Variants in PTGDR2 observed in about 807,000 individuals in gnomAD.
PTGDR2 encodes prostaglandin D2 receptor 2, also known as G-protein coupled receptor 44.
For missense variants in PTGDR2, 544 were observed against 576.6 expected (o/e 0.94, Z 0.58); for synonymous variants, 276 against 278.4 (o/e 0.99, Z 0.09).
chr11:60,852,489 C>T lies in PTGDR2; in HGVS notation c.*46G>A. 8.1e-7 allele frequency: 1 copy of T among 1,242,226 alleles called. No homozygotes were observed. The highest frequency in any genetic ancestry group is 1.0e-6 in the Non-Finnish European group (1 of 992,656). The allele number at this position is 1,242,226 out of a possible 1,614,324, so 77.0% of individuals were successfully genotyped here. A position where few individuals can be genotyped will look rare whatever the true frequency, so the allele number is the denominator to read the frequency against. On this transcript the variant is annotated 3_prime_UTR_variant, in exon 2 of 2. Transcript: ENST00000332539. ...GGATATCGAATTGAACCGCGGCACC[C>T]TGGTGATACTTTCGCGTGTGAGTGC... is the stretch of plus-strand genomic sequence containing the variant.
chr11:60,853,169 T>C lies in PTGDR2; in HGVS notation c.554A>G (p.Asn185Ser). The part of the protein sequence containing the change: ...RLDGRIMCYY[N>S]VLLLNPGPDR... ...AGGCCCCGGGTTCAGGAGCAGCACA[T>C]TGTAGTAGCACATAATGCGCCCGTC... Residue 185 changes from asparagine (N) to serine (S), a missense_variant, in exon 2 of 2, where the codon AAT becomes AGT. Coordinates refer to ENST00000332539, the MANE Select transcript of PTGDR2 (RefSeq NM_004778.3). The C allele has an allele frequency of 6.2e-7, 1 of 1,609,758 alleles. No individual in the cohort carries two copies. Among genetic ancestry groups the C allele is most frequent in the Non-Finnish European group, 8.5e-7 (1 of 1,179,838 alleles).
chr11:60,853,151 G>T lies in PTGDR2; in HGVS notation c.572C>A (p.Pro191Gln). The T allele has an allele frequency of 6.2e-7, 1 of 1,608,448 alleles. No individual in the cohort carries two copies. The change falls in exon 2 of 2, where the codon CCG (proline) becomes CAG (glutamine). Residue 191 changes from proline to glutamine, a missense_variant. Pro to Gln is a moderately conservative substitution (Grantham distance 76, BLOSUM62 -1). Coordinates refer to ENST00000332539, the MANE Select transcript of PTGDR2 (RefSeq NM_004778.3). Reference protein sequence around the residue: ...MCYYNVLLLNPGPDRDATCNS... With the variant: ...MCYYNVLLLNQGPDRDATCNS... ...GCACGTGGCATCGCGGTCAGGCCCC[G>T]GGTTCAGGAGCAGCACATTGTAGTA...
rs1238946930 is a variant in PTGDR2 at position 60,855,870 on chromosome 11, TG to T, written c.-12del. On this transcript the variant is annotated splice_region_variant and 5_prime_UTR_variant, in exon 1 of 2. Coordinates refer to ENST00000332539, the MANE Select transcript of PTGDR2 (RefSeq NM_004778.3). Reference sequence around the variant, plus strand: ...AACCCCTGGGCCACTCCTCCTTACCTGGGCACAGAGGGAGCACAGGATTCCA... The same window carrying T: ...AACCCCTGGGCCACTCCTCCTTACCTGGCACAGAGGGAGCACAGGATTCCA... The T allele has an allele frequency of 6.6e-6, 1 of 152,370 alleles. No homozygotes were observed. The highest frequency in any genetic ancestry group is 2.4e-5 in the African/African-American group (1 of 41,442). 9.4% of individuals were successfully genotyped at this position (152,370 alleles called of 1,614,324 possible). A position where few individuals can be genotyped will look rare whatever the true frequency, so the allele number is the denominator to read the frequency against.
rs1338537653 is a variant in PTGDR2 at position 60,853,629 on chromosome 11, C to G, written c.94G>C (p.Asp32His). The change falls in exon 2 of 2, where the codon GAC (aspartate) becomes CAC (histidine). Residue 32 changes from aspartate (D) to histidine (H), a missense_variant. By Grantham distance (81) the Asp-to-His change is moderately conservative (BLOSUM62 -1). Coordinates refer to ENST00000332539, the MANE Select transcript of PTGDR2 (RefSeq NM_004778.3). Reference sequence around the variant, plus strand: ...CCGTGCAGCAGCACGGCCGCGTGGTCGATGTAGCGGATGCTGGTGTTGCTG... The same window carrying G: ...CCGTGCAGCAGCACGGCCGCGTGGTGGATGTAGCGGATGCTGGTGTTGCTG... ...SHSNTSIRYI[D>H]HAAVLLHGLA... is the part of the protein sequence containing the mutation. 7.1e-6 allele frequency: 11 copies of G among 1,557,032 alleles called. No individual in the cohort carries two copies. The highest frequency in any genetic ancestry group is 9.6e-6 in the Non-Finnish European group (11 of 1,150,062).
chr11:60,853,085 A>T lies in PTGDR2; in HGVS notation c.638T>A (p.Leu213Gln). ...GATCGCCAGCGGCACCAGGAAGGCC[A>T]GCAGGAACTTGCTGACGGCCAGGGC... ...QVALAVSKFL[L>Q]AFLVPLAIIA... The change falls in exon 2 of 2, where the codon CTG becomes CAG. Residue 213 changes from leucine to glutamine, a missense_variant. Leu to Gln is a moderately radical substitution (Grantham distance 113). Transcript: ENST00000332539. 6.3e-7 allele frequency: 1 copy of T among 1,598,302 alleles called. No homozygotes were observed. The highest frequency in any genetic ancestry group is 2.2e-5 in the East Asian group (1 of 44,496).
chr11:60,853,710 C>T lies in PTGDR2; in HGVS notation c.13G>A (p.Ala5Thr), dbSNP rs1331228556. MSAN[A>T]TLKPLCPILE... ...ATGGGGCAGAGTGGCTTCAGTGTGG[C>T]GTTGGCCGACATCGTGGGGCTCTGC... The change falls in exon 2 of 2, where the codon GCC (alanine) becomes ACC (threonine). Residue 5 changes from alanine to threonine, a missense_variant. Ala to Thr is a moderately conservative substitution (Grantham distance 58, BLOSUM62 0). Coordinates refer to ENST00000332539, the MANE Select transcript of PTGDR2 (RefSeq NM_004778.3). 1.3e-6 allele frequency: 2 copies of T among 1,541,036 alleles called. No individual in the cohort carries two copies. The highest frequency in any genetic ancestry group is 1.2e-5 in the South Asian group (1 of 84,024).
rs1466527682 is a variant in PTGDR2 at position 60,853,468 on chromosome 11, G to C, written c.255C>G (p.Pro85=). The C allele has an allele frequency of 6.4e-7, 1 of 1,566,844 alleles. No individual in the cohort carries two copies. Among genetic ancestry groups the C allele is most frequent in the East Asian group, 2.4e-5 (1 of 42,260 alleles). ...CCACGGCCAAGAAGTAGGTGAAGAA[G>C]GGCAGGGAAGCAGAGGCCAACAGGT... The part of the protein sequence containing the change: ...LSDLLASASL[P]FFTYFLAVGH... The change falls in exon 2 of 2, where the codon CCC becomes CCG. Residue 85 remains proline (P), a synonymous_variant. Transcript: ENST00000332539.
Position 60,853,503 on chromosome 11 carries a change from C to G in PTGDR2, c.220G>C (p.Ala74Pro), listed in dbSNP as rs773499365. Residue 74 changes from alanine to proline, a missense_variant, in exon 2 of 2, where the codon GCG becomes CCG. Physicochemically the swap from Ala to Pro is conservative, Grantham distance 27 (BLOSUM62 -1). Transcript: ENST00000332539. ...GCAGAGGCCAACAGGTCGGACAGCG[C>G]CAGGTGCAGCACCCAGGTGGTGACC... ...TVVTTWVLHL[A>P]LSDLLASASL... The G allele has an allele frequency of 3.2e-6, 5 of 1,560,416 alleles. No homozygotes were observed. Among genetic ancestry groups the G allele is most frequent in the Non-Finnish European group, 4.3e-6 (5 of 1,151,772 alleles).
chr11:60,854,932 C>T (rs1189282368), intron 1 of PTGDR2, among the ~76,000 whole-genome samples: 4 of 152,100 alleles, frequency 2.6e-5, no homozygotes, highest in Non-Finnish European at 4.4e-5. Flanking sequence ...GGAAGAAAAG[C>T]GGGAGAGGGG....
At position 60,853,654 on chromosome 11, in the gene PTGDR2, G is replaced by A. The variant is rs147157938; in HGVS notation, c.69C>T (p.His23=). ...CGATGTAGCGGATGCTGGTGTTGCTGTGGCTCTGGAGACGGCTCATCTGCT... is the reference window on the plus strand; with the variant it reads ...CGATGTAGCGGATGCTGGTGTTGCTATGGCTCTGGAGACGGCTCATCTGCT... ...ILEQMSRLQS[H]SNTSIRYIDH... The change falls in exon 2 of 2, where the codon CAC becomes CAT. Residue 23 remains histidine, a synonymous_variant. Transcript: ENST00000332539. The A allele has an allele frequency of 2.1e-4, 321 of 1,559,122 alleles. 2 individuals carry two copies. Among genetic ancestry groups the A allele is most frequent in the Middle Eastern group, 1.7e-3 (10 of 6,006 alleles).
Position 60,853,524 on chromosome 11 carries a change from T to A in PTGDR2, c.199A>T (p.Thr67Ser). The change falls in exon 2 of 2, where the codon ACC becomes TCC. Residue 67 changes from threonine to serine, a missense_variant. Coordinates refer to ENST00000332539, the MANE Select transcript of PTGDR2 (RefSeq NM_004778.3). ...AGCGCCAGGTGCAGCACCCAGGTGG[T>A]GACCACGGTCTGGCGCATGCGGCAG... is the stretch of plus-strand genomic sequence containing the variant. ...VGCRMRQTVV[T>S]TWVLHLALSD... 1 of 1,557,892 alleles carries A rather than the reference T, an allele frequency of 6.4e-7. No individual in the cohort carries two copies. Among genetic ancestry groups the A allele is most frequent in the Non-Finnish European group, 8.7e-7 (1 of 1,150,416 alleles).
chr11:60,854,048 TCA>T (rs1402516302), intron 1 of PTGDR2, among the ~76,000 whole-genome samples: 1 of 152,198 alleles, frequency 6.6e-6, no homozygotes, highest in Admixed American at 6.5e-5. Context: ...AAGCACTTTA[TCA>T]GTGTCATTGT....
chr11:60,852,955 C>G lies in PTGDR2; in HGVS notation c.768G>C (p.Ala256=). 2 of 1,416,360 alleles carry G rather than the reference C, an allele frequency of 1.4e-6. No homozygotes were observed. The highest frequency in any genetic ancestry group is 1.5e-5 in the South Asian group (1 of 65,562). 87.7% of individuals were successfully genotyped at this position (1,416,360 alleles called of 1,614,324 possible). The change falls in exon 2 of 2, where the codon GCG becomes GCC. Residue 256 remains alanine (A), a synonymous_variant. Transcript: ENST00000332539. ...RLVAAVVAAF[A]LCWGPYHVFS... The stretch of plus-strand genomic sequence containing the variant: ...ACACGTGGTAGGGCCCCCAGCAGAG[C>G]GCGAAGGCGGCCACGACGGCCGCCA...
In PTGDR2 at chr11:60,855,863, C is replaced by G. The variant is rs1590581235; in HGVS notation, c.-10+6G>C. The G allele has an allele frequency of 6.6e-6, 1 of 152,378 alleles. No individual in the cohort carries two copies. Among genetic ancestry groups the G allele is most frequent in the African/African-American group, 2.4e-5 (1 of 41,464 alleles). 9.4% of individuals were successfully genotyped at this position (152,378 alleles called of 1,614,324 possible). On this transcript the variant is annotated splice_donor_region_variant and intron_variant, in intron 1 of 1. Transcript: ENST00000332539. ...GCTGCCCAACCCCTGGGCCACTCCT[C>G]CTTACCTGGGCACAGAGGGAGCACA...
Position 60,853,387 on chromosome 11 carries a change from AAAG to A in PTGDR2, c.333_335del (p.Phe112del). ...GGAAGCCGCTGGCGAACATGTTGAG[AAAG>A]AAGATGGAGGAGTGCAGTTTGCAGA... On this transcript the variant is annotated inframe_deletion, in exon 2 of 2. Transcript: ENST00000332539. 1 of 1,593,052 alleles carries A rather than the reference AAAG, an allele frequency of 6.3e-7. No individual in the cohort carries two copies. Among genetic ancestry groups the A allele is most frequent in the Non-Finnish European group, 8.5e-7 (1 of 1,169,890 alleles).
rs923464382 is a variant in PTGDR2, at chr11:60,852,216, C to T, written c.*319G>A. The T allele has an allele frequency of 1.2e-5, 4 of 324,530 alleles. No individual in the cohort carries two copies. The highest frequency in any genetic ancestry group is 2.1e-5 in the African/African-American group (1 of 46,914). 20.1% of individuals were successfully genotyped at this position (324,530 alleles called of 1,614,324 possible). ...CACTTTGTGTTACTCCAGGCCTCGC[C>T]TGTGAACCTGCCGCACTGGCTTCTC... is the stretch of plus-strand genomic sequence containing the variant. On this transcript the variant is annotated 3_prime_UTR_variant, in exon 2 of 2. Transcript: ENST00000332539.
intron 1 of PTGDR2, among the ~76,000 whole-genome samples, chr11:60,854,251 T>G (rs41501047): frequency 6.6e-6 from 1 of 152,206 alleles, no homozygotes; most frequent in Non-Finnish European, 1.5e-5. Flanking sequence ...CGCCCCCAGA[T>G]GTTGCCTCTC....
Position 60,852,419 on chromosome 11 carries a change from G to A in PTGDR2, c.*116C>T, listed in dbSNP as rs187069134. 8.4e-5 allele frequency: 77 copies of A among 914,970 alleles called. No homozygotes were observed. In the African/African-American group the frequency reaches 9.6e-4, roughly 11 times the overall value. The allele number at this position is 914,970 out of a possible 1,614,324, so 56.7% of individuals were successfully genotyped here. A position where few individuals can be genotyped will look rare whatever the true frequency, so the allele number is the denominator to read the frequency against. ...TCCCGGGGCGCTTTAAAATGCAGGTGCCTGGGTCCCGCCCCTCGGACTTTG... is the reference window on the plus strand; with the variant it reads ...TCCCGGGGCGCTTTAAAATGCAGGTACCTGGGTCCCGCCCCTCGGACTTTG... On this transcript the variant is annotated 3_prime_UTR_variant, in exon 2 of 2. Coordinates refer to ENST00000332539, the MANE Select transcript of PTGDR2 (RefSeq NM_004778.3).
chr11:60,854,928 A>G (rs1401493598), intron 1 of PTGDR2, among the ~76,000 whole-genome samples: 1 of 152,208 alleles, frequency 6.6e-6, no homozygotes, highest in African/African-American at 2.4e-5. Flanking sequence ...AGGAGGAAGA[A>G]AAGCGGGAGA....
Sources: allele counts gnomAD v4.1 joint callset (sites outside exome capture counted in the v4.1 genomes callset), GRCh38; gene constraint gnomAD v4.1.1; transcripts MANE v1.5; gene names NCBI Gene and HGNC (gene_info 2026-07-23, HGNC 2026-07-21).